Variants in FNBP1 observed in about 807,000 individuals in gnomAD.
The protein encoded by FNBP1 is formin binding protein 1.
Under a neutral mutation model 90.6 loss-of-function variants are expected in FNBP1, and 26 were observed. The observed-to-expected ratio is 0.29, with a 90% CI of 0.21 to 0.40. The LOEUF (loss-of-function observed/expected upper bound fraction) is 0.40, where lower values mean the gene tolerates loss of function less well. FNBP1 is among the 10% of genes least tolerant of loss of function. FNBP1 has a pLI of 1.00. For missense variants in FNBP1, 635 were observed against 768.0 expected (o/e 0.83, Z 2.05); for synonymous variants, 260 against 265.2 (o/e 0.98, Z 0.19).
chr9:129,940,252 C>T (rs1013214991), intron 6 of FNBP1, among the ~76,000 whole-genome samples: 1 of 151,986 alleles, frequency 6.6e-6, no homozygotes, highest in Non-Finnish European at 1.5e-5. Flanking sequence ...AACAAAACAA[C>T]ATTTTGAAGG....
In FNBP1 at chr9:129,896,793, G is replaced by T. The variant is rs183737047; in HGVS notation, c.1688-797C>A. On this transcript the variant is annotated intron_variant, in intron 15 of 16. Transcript: ENST00000446176. ...ATTACAGGCATGTGCCACCACGCCC[G>T]GCTAATTTTGTATTTTTAGTAGAGA... Among the ~76,000 whole-genome samples, 113 of 152,190 alleles carry T rather than the reference G, an allele frequency of 7.4e-4. 1 individual carries two copies. The East Asian group carries it at 0.019, about 26-fold the overall frequency.
chr9:129,976,697 G>A (rs995239098), intron 4 of FNBP1, among the ~76,000 whole-genome samples: 1 of 152,174 alleles, frequency 6.6e-6, no homozygotes, highest in Non-Finnish European at 1.5e-5. Context: ...TGACCCCAGA[G>A]CATGAGCATA....
intron 6 of FNBP1, among the ~76,000 whole-genome samples, chr9:129,938,186 T>G (rs918976569): frequency 6.6e-6 from 1 of 152,078 alleles, no homozygotes; most frequent in East Asian, 1.9e-4. Flanking sequence ...AATTAATTAA[T>G]TTTTTAAAAA....
In FNBP1 at chr9:130,005,070, A is replaced by AG. The variant is rs1281304099; in HGVS notation, c.25-10113_25-10112insC. On this transcript the variant is annotated intron_variant, in intron 1 of 16. Transcript: ENST00000446176. ...ACAGAGCAAGACTGTCTCAAAAAAA[A>AG]AAAAAAAAAAAAAAAAAAGGCTGGG... Among the ~76,000 whole-genome samples the AG allele has an allele frequency of 1.2e-3, 7 of 5,980 alleles. No individual in the cohort carries two copies. In the East Asian group the frequency reaches 0.03, roughly 26 times the overall value. The allele number at this position is 5,980 out of a possible 152,430, so 3.9% of individuals were successfully genotyped here.
At chr9:129,925,550 C>T (rs939443533) in intron 8 of FNBP1, among the ~76,000 whole-genome samples, 11 of 145,778 alleles carry the variant, frequency 7.5e-5, no homozygotes, top group East Asian at 2.0e-4. Context: ...TGATAACTAA[C>T]GAAATTGTAC....
intron 4 of FNBP1, among the ~76,000 whole-genome samples, chr9:129,963,988 G>A (rs2048218720): frequency 6.6e-6 from 1 of 152,060 alleles, no homozygotes; most frequent in Non-Finnish European, 1.5e-5. Flanking sequence ...CCGTGCTGGG[G>A]GATCCTTCAG....
intron 2 of FNBP1, among the ~76,000 whole-genome samples, chr9:129,987,936 T>C (rs2052551523): frequency 6.6e-6 from 1 of 152,148 alleles, no homozygotes; most frequent in South Asian, 2.1e-4. Context: ...GATTTCTACC[T>C]AGTTACCCTC....
At chr9:129,941,496 T>C (rs75535554) in intron 6 of FNBP1, among the ~76,000 whole-genome samples, 15,246 of 152,168 alleles carry the variant, frequency 0.1, 861 homozygotes, top group African/African-American at 0.16. Context: ...GACAGAGTCT[T>C]GCTCTGTTAA....
At chr9:129,908,417 CTGGTCT>C (rs1474220773) in intron 12 of FNBP1, among the ~76,000 whole-genome samples, 1 of 149,590 alleles carries the variant, frequency 6.7e-6, no homozygotes, top group Non-Finnish European at 1.5e-5. Flanking sequence ...GTTGCCTGGG[CTGGTCT>C]TGAACTCCCG....
At chr9:129,955,714 C>T (rs2046828620) in intron 6 of FNBP1, among the ~76,000 whole-genome samples, 1 of 150,484 alleles carries the variant, frequency 6.6e-6, no homozygotes. Context: ...CAGCGAGACT[C>T]TGTCTCAAAA....
At chr9:129,962,163 G>A (rs1021201570) in intron 4 of FNBP1, among the ~76,000 whole-genome samples, 2 of 152,168 alleles carry the variant, frequency 1.3e-5, no homozygotes, top group Non-Finnish European at 1.5e-5. Flanking sequence ...GCAGTGCCCC[G>A]CATGCAGCTA....
intron 15 of FNBP1, among the ~76,000 whole-genome samples, chr9:129,896,321 T>C (rs145656172): frequency 2.6e-5 from 4 of 152,278 alleles, no homozygotes. Context: ...TCTGTCTCAC[T>C]TGGATCTCTC....
At chr9:129,986,002 G>C (rs1174419043) in intron 2 of FNBP1, among the ~76,000 whole-genome samples, 1 of 150,348 alleles carries the variant, frequency 6.7e-6, no homozygotes, top group Non-Finnish European at 1.5e-5. Context: ...CAGGTGTGGT[G>C]GTGTGTGCCT....
At chr9:129,941,181 G>C (rs2132329001) in intron 6 of FNBP1, among the ~76,000 whole-genome samples, 1 of 152,042 alleles carries the variant, frequency 6.6e-6, no homozygotes, top group African/African-American at 2.4e-5. Flanking sequence ...CTGAGGTCAG[G>C]AGTTCAAGAC....
At chr9:130,012,703 G>A (rs1463663472) in intron 1 of FNBP1, among the ~76,000 whole-genome samples, 4 of 152,040 alleles carry the variant, frequency 2.6e-5, no homozygotes, top group African/African-American at 7.2e-5. Context: ...GCAGTGGTGC[G>A]ATCTCGGCTC....
chr9:130,017,014 G>A (rs2057306729), intron 1 of FNBP1, among the ~76,000 whole-genome samples: 1 of 152,086 alleles, frequency 6.6e-6, no homozygotes, highest in Non-Finnish European at 1.5e-5. Context: ...GGTAGGCTGA[G>A]GTGGGAGAAT....
intron 6 of FNBP1, among the ~76,000 whole-genome samples, chr9:129,949,806 C>G (rs1381332713): frequency 6.6e-6 from 1 of 151,256 alleles, no homozygotes; most frequent in Non-Finnish European, 1.5e-5. Context: ...TGGGCATTAA[C>G]TCTCAAAAAG....
intron 6 of FNBP1, among the ~76,000 whole-genome samples, chr9:129,937,344 T>G (rs897744384): frequency 1.3e-5 from 2 of 152,214 alleles, no homozygotes; most frequent in African/African-American, 4.8e-5. Flanking sequence ...TGGTTAAATA[T>G]TATGTCACAC....
intron 1 of FNBP1, among the ~76,000 whole-genome samples, chr9:130,001,026 G>A (rs2054749997): frequency 1.3e-5 from 2 of 152,098 alleles, no homozygotes; most frequent in African/African-American, 4.8e-5. Context: ...AAGTAAAACT[G>A]AAATTTTTTA....
Sources: allele counts gnomAD v4.1 joint callset (sites outside exome capture counted in the v4.1 genomes callset), GRCh38; gene constraint gnomAD v4.1.1; transcripts MANE v1.5; gene names NCBI Gene and HGNC (gene_info 2026-07-23, HGNC 2026-07-21).